Variants in TRIM24 observed in about 807,000 individuals in gnomAD.
TRIM24 encodes the protein transcription intermediary factor 1-alpha.
In TRIM24, 29 loss-of-function variants were observed where a neutral mutation model predicts 123.9. That is an observed-to-expected ratio of 0.23 (90% CI 0.17 to 0.32). The LOEUF is 0.32. TRIM24 is among the 10% of genes least tolerant of loss of function. TRIM24 has a pLI of 1.00. For synonymous variants in TRIM24, 456 were observed against 461.1 expected (o/e 0.99, Z 0.14); for missense variants, 932 against 1,295.3 (o/e 0.72, Z 4.31).
intron 9 of TRIM24, among the ~76,000 whole-genome samples, chr7:138,559,983 A>T (rs1279303869): frequency 4.6e-5 from 7 of 152,188 alleles, no homozygotes; most frequent in Non-Finnish European, 1.0e-4. Flanking sequence ...TTGCCTTCTT[A>T]AGGTTAATTC....
At chr7:138,545,136 A>G (rs774782831) in intron 7 of TRIM24, among the ~76,000 whole-genome samples, 25 of 152,210 alleles carry the variant, frequency 1.6e-4, no homozygotes, top group Non-Finnish European at 3.2e-4. Flanking sequence ...ATATCTAATT[A>G]TCAATATACA....
intron 11 of TRIM24, 122 bp downstream of exon 11, chr7:138,571,125 T>C: frequency 1.0e-6 from 1 of 983,388 alleles, no homozygotes; most frequent in Admixed American, 2.1e-5. Context: ...AGGTCAGGAG[T>C]TCGAGACTAG....
chr7:138,536,226 A>G (rs1796870126), intron 6 of TRIM24, among the ~76,000 whole-genome samples: 1 of 152,162 alleles, frequency 6.6e-6, no homozygotes. Flanking sequence ...CATCAAGGTC[A>G]TTCTCTGTCC....
At chr7:138,540,627 C>G (rs972109361) in intron 7 of TRIM24, among the ~76,000 whole-genome samples, 45 of 152,158 alleles carry the variant, frequency 3.0e-4, no homozygotes, top group African/African-American at 1.1e-3. Flanking sequence ...TCACTGAAGT[C>G]TTGAACTCCT....
chr7:138,559,041 C>T (rs886141880), intron 9 of TRIM24, among the ~76,000 whole-genome samples: 3 of 152,186 alleles, frequency 2.0e-5, no homozygotes, highest in African/African-American at 7.2e-5. Context: ...ATATGACCTC[C>T]CCATAAGGGG....
chr7:138,518,528 A>G (rs1796444670), intron 3 of TRIM24, among the ~76,000 whole-genome samples: 1 of 152,234 alleles, frequency 6.6e-6, no homozygotes, highest in African/African-American at 2.4e-5. Context: ...CTAGAGTGTA[A>G]TAATGAAAAC....
chr7:138,562,659 T>C (rs1797450488), intron 9 of TRIM24, among the ~76,000 whole-genome samples: 1 of 152,170 alleles, frequency 6.6e-6, no homozygotes, highest in African/African-American at 2.4e-5. Flanking sequence ...TTAGCTCTAC[T>C]ACCACTGGCA....
intron 10 of TRIM24, among the ~76,000 whole-genome samples, chr7:138,569,803 T>G (rs1348126109): frequency 1.3e-5 from 2 of 152,224 alleles, no homozygotes; most frequent in Non-Finnish European, 2.9e-5. Context: ...ATACGGCATC[T>G]TGCAGTACAC....
At chr7:138,483,022 A>G (rs899312246) in intron 1 of TRIM24, among the ~76,000 whole-genome samples, 1 of 152,072 alleles carries the variant, frequency 6.6e-6, no homozygotes, top group African/African-American at 2.4e-5. Context: ...GGCTCAAGTC[A>G]TCTTCCCACC....
chr7:138,479,801 C>T (rs561920469), intron 1 of TRIM24, among the ~76,000 whole-genome samples: 30 of 151,188 alleles, frequency 2.0e-4, no homozygotes, highest in African/African-American at 7.0e-4. Context: ...CCACTGCGCC[C>T]GGCATTTATT....
intron 9 of TRIM24, among the ~76,000 whole-genome samples, chr7:138,563,028 C>A (rs1033018302): frequency 6.6e-6 from 1 of 152,112 alleles, no homozygotes; most frequent in African/African-American, 2.4e-5. Flanking sequence ...TCTCTGAGAC[C>A]CTGGTGACCC....
At chr7:138,547,646 A>G (rs1751673565) in intron 7 of TRIM24, among the ~76,000 whole-genome samples, 1 of 152,150 alleles carries the variant, frequency 6.6e-6, no homozygotes. Context: ...ACTTTGCTAC[A>G]TATTCTACCT....
At chr7:138,490,664 A>G (rs868293043) in intron 1 of TRIM24, 6 of 377,298 alleles carry the variant, frequency 1.6e-5, no homozygotes, top group Admixed American at 3.5e-5. Context: ...CAGCACTGCT[A>G]CCTTCACTGT....
chr7:138,514,271 GTCATTATACAGAAACACTTGC>G (rs1796348566), intron 2 of TRIM24: 3 of 152,338 alleles, frequency 2.0e-5, no homozygotes, highest in African/African-American at 7.2e-5. Context: ...ATCCTAGCTT[GTCATTATACAGAAACACTTGC>G]TCCTTTTCTA....
intron 1 of TRIM24, among the ~76,000 whole-genome samples, chr7:138,471,534 TTTTA>T (rs979171004): frequency 2.6e-5 from 4 of 151,478 alleles, no homozygotes; most frequent in Non-Finnish European, 4.4e-5. Flanking sequence ...TTTATTTTTA[TTTTA>T]TTTATTTATT....
intron 1 of TRIM24, among the ~76,000 whole-genome samples, chr7:138,475,387 T>C (rs1166457076): frequency 1.3e-5 from 2 of 152,110 alleles, no homozygotes; most frequent in Non-Finnish European, 2.9e-5. Context: ...AAGAAACAAA[T>C]ACAATGAAAT....
intron 15 of TRIM24, among the ~76,000 whole-genome samples, chr7:138,580,274 T>C (rs890985847): frequency 2.0e-5 from 3 of 152,230 alleles, no homozygotes; most frequent in Admixed American, 1.3e-4. Flanking sequence ...GCCCTAGATA[T>C]GTGAGCCCTA....
chr7:138,553,361 C>G (rs955407045), intron 8 of TRIM24, among the ~76,000 whole-genome samples: 2 of 152,082 alleles, frequency 1.3e-5, no homozygotes, highest in African/African-American at 2.4e-5. Flanking sequence ...CTCTCTAAAC[C>G]TTAGATCCCT....
intron 9 of TRIM24, among the ~76,000 whole-genome samples, chr7:138,564,914 A>T (rs1325458661): frequency 1.3e-5 from 2 of 151,702 alleles, no homozygotes; most frequent in African/African-American, 2.4e-5. Context: ...AGCGCAACAC[A>T]CTCACTCTCA....
Sources: gnomAD v4.1 joint callset for allele counts (sites outside exome capture counted in the v4.1 genomes callset) on GRCh38, gnomAD v4.1.1 for gene constraint, MANE v1.5 for transcripts, NCBI Gene and HGNC (gene_info 2026-07-23, HGNC 2026-07-21) for gene names.